The following CNTLN variants were observed in gnomAD, a reference collection of about 807,000 sequenced individuals.
CNTLN encodes the protein centlein, also known as centlein, centrosomal protein.
Under a neutral mutation model 180.0 loss-of-function variants are expected in CNTLN, and 212 were observed. The ratio of observed to expected loss-of-function variants is 1.18; its 90% CI spans 1.05 to 1.32. The LOEUF is 1.32. Ranked by LOEUF, CNTLN falls within the 40% of genes most tolerant of loss-of-function variation. CNTLN has a pLI of 0.00. For synonymous variants in CNTLN, 722 were observed against 563.1 expected (o/e 1.28, Z -3.99); for missense variants, 2,095 against 1,610.9 (o/e 1.30, Z -5.14).
Position 17,226,244 on chromosome 9 carries a change from A to G in CNTLN, c.491A>G (p.Glu164Gly). ...KSEAKDRKVL[E>G]ILQVKDAKIQ... ...GAAGCTAAAGACAGAAAAGTTCTAG[A>G]AATTCTGCAAGTCAAGGATGCCAAA... is the stretch of plus-strand genomic sequence containing the variant. Residue 164 changes from glutamate to glycine, a missense_variant, in exon 3 of 26, where the codon GAA becomes GGA. Transcript: ENST00000380647. 1 of 1,582,496 alleles carries G rather than the reference A, an allele frequency of 6.3e-7. No individual in the cohort carries two copies. The highest frequency in any genetic ancestry group is 8.6e-7 in the Non-Finnish European group (1 of 1,165,478).
chr9:17,305,462 C>T (rs1188048569), intron 7 of CNTLN, among the ~76,000 whole-genome samples: 1 of 151,234 alleles, frequency 6.6e-6, no homozygotes, highest in Non-Finnish European at 1.5e-5. Flanking sequence ...ACTCAGTATG[C>T]CTAAAGCAAT....
chr9:17,192,533 C>T (rs991261920), intron 2 of CNTLN, among the ~76,000 whole-genome samples: 3 of 152,098 alleles, frequency 2.0e-5, no homozygotes, highest in African/African-American at 4.8e-5. Flanking sequence ...CACCACGTCC[C>T]GCTGAGGTAG....
At chr9:17,157,799 C>G (rs1404739219) in intron 2 of CNTLN, among the ~76,000 whole-genome samples, 2 of 152,140 alleles carry the variant, frequency 1.3e-5, no homozygotes, top group Non-Finnish European at 1.5e-5. Flanking sequence ...AAAATGATCG[C>G]TTATCAGTAG....
At chr9:17,346,770 T>A (rs889432949) in intron 12 of CNTLN, among the ~76,000 whole-genome samples, 1 of 152,232 alleles carries the variant, frequency 6.6e-6, no homozygotes, top group African/African-American at 2.4e-5. Flanking sequence ...TTTGTCAAAT[T>A]TGGGAAATTT....
At chr9:17,265,309 T>C (rs1827332716) in intron 5 of CNTLN, among the ~76,000 whole-genome samples, 1 of 152,174 alleles carries the variant, frequency 6.6e-6, no homozygotes, top group Non-Finnish European at 1.5e-5. Flanking sequence ...CATGTGGTTT[T>C]TGTCTTTAGT....
At chr9:17,490,873 T>C (rs186326690) in intron 25 of CNTLN, among the ~76,000 whole-genome samples, 92 of 152,256 alleles carry the variant, frequency 6.0e-4, no homozygotes, top group Admixed American at 4.3e-3. Context: ...TTTCTTTAAA[T>C]GCAATTGAAC....
intron 15 of CNTLN, among the ~76,000 whole-genome samples, chr9:17,395,954 A>G (rs1243809217): frequency 2.6e-5 from 4 of 152,214 alleles, no homozygotes; most frequent in Non-Finnish European, 5.9e-5. Context: ...AACAAAGGTC[A>G]TAAAGACCTT....
intron 13 of CNTLN, among the ~76,000 whole-genome samples, chr9:17,377,563 AAAAAAAC>A (rs749035079): frequency 5.7e-4 from 87 of 152,232 alleles, no homozygotes; most frequent in Non-Finnish European, 8.1e-4. Context: ...ACTCTGTGTC[AAAAAAAC>A]AAAAAACAAA....
At position 17,359,717 on chromosome 9, in the gene CNTLN, T is replaced by TAAAAAAA. The variant is rs1456379699; in HGVS notation, c.1887-6895_1887-6894insAAAAAAA. ...TAACACGGTGAAACTCCGTCTATAC[T>TAAAAAAA]AAAAATACAAAAAAAAAAAAAAAAA... is the stretch of plus-strand genomic sequence containing the variant. On this transcript the variant is annotated intron_variant, in intron 12 of 25. Transcript: ENST00000380647. Among the ~76,000 whole-genome samples the TAAAAAAA allele has an allele frequency of 3.4e-3, 46 of 13,476 alleles. 5 individuals carry two copies. Among genetic ancestry groups the TAAAAAAA allele is most frequent in the Non-Finnish European group, 4.4e-3 (25 of 5,742 alleles). 8.8% of individuals were successfully genotyped at this position (13,476 alleles called of 152,430 possible). A position where few individuals can be genotyped will look rare whatever the true frequency, so the allele number is the denominator to read the frequency against.
intron 15 of CNTLN, among the ~76,000 whole-genome samples, chr9:17,395,595 T>A (rs1826455476): frequency 6.6e-6 from 1 of 152,202 alleles, no homozygotes; most frequent in African/African-American, 2.4e-5. Flanking sequence ...TCTTCACTAA[T>A]TATTTTATGT....
rs200534304 is a variant in CNTLN at position 17,473,600 on chromosome 9, AAAAAAAC to A, written c.3855+6714_3855+6720del. Among the ~76,000 whole-genome samples, 139 of 149,170 alleles carry A rather than the reference AAAAAAAC, an allele frequency of 9.3e-4. 5 individuals are homozygous for A. The East Asian group carries it at 0.016, about 17-fold the overall frequency. On this transcript the variant is annotated intron_variant, in intron 23 of 25. Coordinates refer to ENST00000380647, the MANE Select transcript of CNTLN (RefSeq NM_017738.4). ...AAACACACACCATTTACCAAAAAAAAAAAAAACAAAACAAAAAACAACCCTTCATTTG... is the reference window on the plus strand; with the variant it reads ...AAACACACACCATTTACCAAAAAAAAAAAACAAAAAACAACCCTTCATTTG...
chr9:17,249,414 T>A (rs1457500602), intron 5 of CNTLN, among the ~76,000 whole-genome samples: 1 of 145,506 alleles, frequency 6.9e-6, no homozygotes, highest in Non-Finnish European at 1.5e-5. Context: ...AGTGGTGCAA[T>A]CTTGGCTCAC....
At chr9:17,522,343 A>G in the CNTLN span, among the ~76,000 whole-genome samples, 2 of 152,152 alleles carry the variant, frequency 1.3e-5, no homozygotes, top group Admixed American at 6.5e-5. Context: ...AAACAGCCCT[A>G]TAAGGAAAAG....
intron 5 of CNTLN, among the ~76,000 whole-genome samples, chr9:17,268,438 C>G (rs1378541791): frequency 6.6e-6 from 1 of 152,184 alleles, no homozygotes; most frequent in Non-Finnish European, 1.5e-5. Flanking sequence ...AGGTGTCTGT[C>G]AGTCTGCCCC....
At chr9:17,396,250 C>T (rs1414338185) in intron 15 of CNTLN, among the ~76,000 whole-genome samples, 1 of 152,196 alleles carries the variant, frequency 6.6e-6, no homozygotes, top group Non-Finnish European at 1.5e-5. Flanking sequence ...TATTCCTTTA[C>T]TTTCTTAAAA....
At chr9:17,357,739 G>C (rs1822968245) in intron 12 of CNTLN, among the ~76,000 whole-genome samples, 1 of 151,022 alleles carries the variant, frequency 6.6e-6, no homozygotes, top group African/African-American at 2.4e-5. Context: ...AGTCAATTTT[G>C]TCACACGAAC....
At position 17,251,848 on chromosome 9, in the gene CNTLN, C is replaced by G. The variant is rs116171774; in HGVS notation, c.849+15260C>G. Among the ~76,000 whole-genome samples, 1,047 of 151,974 alleles carry G rather than the reference C, an allele frequency of 6.9e-3. 9 individuals carry two copies. Among genetic ancestry groups the G allele is most frequent in the African/African-American group, 0.024 (990 of 41,542 alleles). ...ACTAGAACTTATTTCTTCCATCTAA[C>G]TGCATATTAGTTCCAATAACCAACC... is the stretch of plus-strand genomic sequence containing the variant. On this transcript the variant is annotated intron_variant, in intron 5 of 25. Transcript: ENST00000380647.
intron 23 of CNTLN, among the ~76,000 whole-genome samples, chr9:17,471,407 A>T (rs946990424): frequency 6.6e-6 from 1 of 152,090 alleles, no homozygotes; most frequent in African/African-American, 2.4e-5. Context: ...GGCTGGTTAC[A>T]ATAAATTATA....
intron 23 of CNTLN, among the ~76,000 whole-genome samples, chr9:17,481,091 GA>G (rs772236026): frequency 1.3e-5 from 2 of 152,062 alleles, no homozygotes; most frequent in Non-Finnish European, 2.9e-5. Flanking sequence ...CCCAGGCAGG[GA>G]GCCGCACCAC....
Sources: gnomAD v4.1 joint callset for allele counts (sites outside exome capture counted in the v4.1 genomes callset) on GRCh38, gnomAD v4.1.1 for gene constraint, MANE v1.5 for transcripts, NCBI Gene and HGNC (gene_info 2026-07-23, HGNC 2026-07-21) for gene names.